The following ERC2 variants were observed in gnomAD, a reference collection of about 807,000 sequenced individuals.
ERC2 encodes ELKS/RAB6-interacting/CAST family member 2.
In ERC2, 42 loss-of-function variants were observed where a neutral mutation model predicts 114.8. That is an observed-to-expected ratio of 0.37 (90% CI 0.29 to 0.47). ERC2 has a LOEUF of 0.47. Ranked by LOEUF, ERC2 falls within the 20% of genes least tolerant of loss-of-function variation. The probability of loss-of-function intolerance (pLI) is 0.99; values close to 1 mark genes in which losing one functional copy is unlikely to be tolerated. For missense variants in ERC2, 939 were observed against 1,150.7 expected, an observed-to-expected ratio of 0.82 and a Z score of 2.66; for synonymous variants, 454 against 425.5, an observed-to-expected ratio of 1.07 and a Z score of -0.82.
At chr3:56,374,089 T>TTTTGTTTG (rs112631533) in intron 2 of ERC2, among the ~76,000 whole-genome samples, 2,875 of 151,898 alleles carry the variant, frequency 0.019, 38 homozygotes, top group South Asian at 0.07. Flanking sequence ...CATCCAGTGT[T>TTTTGTTTG]TTTGTTTGTT....
chr3:56,177,249 G>C (rs184482894), intron 3 of ERC2, among the ~76,000 whole-genome samples: 7 of 152,322 alleles, frequency 4.6e-5, no homozygotes, highest in Admixed American at 4.6e-4. Context: ...TCACCAAAGT[G>C]ATTTTAACGT....
At chr3:56,458,832 C>T (rs886775821) in intron 1 of ERC2, among the ~76,000 whole-genome samples, 4 of 152,180 alleles carry the variant, frequency 2.6e-5, no homozygotes, top group Non-Finnish European at 5.9e-5. Context: ...AAATCCTCTC[C>T]TGAGATGTCA....
In ERC2 at chr3:55,703,338, T is replaced by A. The variant is rs193136989; in HGVS notation, c.2713-3826A>T. On this transcript the variant is annotated intron_variant, in intron 15 of 17. Coordinates refer to ENST00000288221, the MANE Select transcript of ERC2 (RefSeq NM_015576.3). ...TCCTTGTCCCAGCCTTGGGACATGCTGTTCTCTCTCTCGGTCCTGCTCTTC... is the reference window on the plus strand; with the variant it reads ...TCCTTGTCCCAGCCTTGGGACATGCAGTTCTCTCTCTCGGTCCTGCTCTTC... Among the ~76,000 whole-genome samples, 4 of 152,350 alleles carry A rather than the reference T, an allele frequency of 2.6e-5. No individual in the cohort carries two copies. The East Asian group carries it at 7.7e-4, about 29-fold the overall frequency.
At chr3:55,627,883 C>CTTTTT (rs10714648) in intron 17 of ERC2, among the ~76,000 whole-genome samples, 2 of 82,576 alleles carry the variant, frequency 2.4e-5, no homozygotes, top group African/African-American at 9.7e-5. Flanking sequence ...GGACTTGGTG[C>CTTTTT]TTTTTTTTTT....
intron 12 of ERC2, among the ~76,000 whole-genome samples, chr3:55,961,989 T>G (rs2068417141): frequency 6.6e-6 from 1 of 152,140 alleles, no homozygotes; most frequent in Admixed American, 6.5e-5. Flanking sequence ...CACCCTGACA[T>G]GCCAAGTCCT....
chr3:56,265,641 AAAC>A (rs1264478337), intron 3 of ERC2, among the ~76,000 whole-genome samples: 5 of 152,220 alleles, frequency 3.3e-5, no homozygotes, highest in African/African-American at 1.2e-4. Context: ...ATAGCAAAGG[AAAC>A]AACAACATTA....
chr3:56,058,788 C>G (rs2076120367), intron 7 of ERC2, among the ~76,000 whole-genome samples: 1 of 152,214 alleles, frequency 6.6e-6, no homozygotes, highest in African/African-American at 2.4e-5. Flanking sequence ...CTGCCAGCCT[C>G]TCCCATTAGA....
chr3:55,771,273 T>G (rs948042512), intron 14 of ERC2, among the ~76,000 whole-genome samples: 1 of 152,208 alleles, frequency 6.6e-6, no homozygotes, highest in South Asian at 2.1e-4. Context: ...CTGTTGGTTT[T>G]TTAATACTTG....
chr3:55,713,915 A>G (rs556351990), intron 15 of ERC2, among the ~76,000 whole-genome samples: 1 of 152,332 alleles, frequency 6.6e-6, no homozygotes, highest in African/African-American at 2.4e-5. Context: ...CCCTGCGACT[A>G]TGCCATTCCC....
At chr3:55,927,259 C>T (rs1003821786) in intron 13 of ERC2, among the ~76,000 whole-genome samples, 1 of 152,176 alleles carries the variant, frequency 6.6e-6, no homozygotes, top group African/African-American at 2.4e-5. Context: ...AGAGACTGAT[C>T]ATGAAATGGC....
At chr3:55,985,857 CG>C in intron 12 of ERC2, 119 bp downstream of exon 12, 5 of 847,190 alleles carry the variant, frequency 5.9e-6, no homozygotes, top group South Asian at 1.5e-5. Context: ...ATGAAATGAG[CG>C]GGGGGAAATG....
chr3:55,752,763 A>C (rs73076905), intron 14 of ERC2, among the ~76,000 whole-genome samples: 595 of 52,990 alleles, frequency 0.011, 1 homozygote, highest in Middle Eastern at 0.024. Context: ...TAGAGATTCG[A>C]ACCCGGGTAT....
chr3:55,977,372 G>GGGCAGGGGAAGCATTTAAAAC (rs71099606), intron 12 of ERC2, among the ~76,000 whole-genome samples: 1 of 151,956 alleles, frequency 6.6e-6, no homozygotes, highest in Non-Finnish European at 1.5e-5. Flanking sequence ...AGTGACAAAT[G>GGGCAGGGGAAGCATTTAAAAC]TCAGATCAAA....
chr3:56,245,629 C>T (rs1482392958), intron 3 of ERC2, among the ~76,000 whole-genome samples: 6 of 151,772 alleles, frequency 4.0e-5, no homozygotes, highest in Admixed American at 6.6e-5. Context: ...CTGCAATCTC[C>T]GCCTCCTGGG....
intron 14 of ERC2, among the ~76,000 whole-genome samples, chr3:55,842,748 A>G (rs1008): frequency 0.35 from 52,740 of 151,776 alleles, 11,170 homozygotes; most frequent in African/African-American, 0.59. Flanking sequence ...CCCAGATCTC[A>G]AGAAAGATAT....
intron 15 of ERC2, among the ~76,000 whole-genome samples, chr3:55,721,594 A>C (rs1363172513): frequency 6.6e-6 from 1 of 152,224 alleles, no homozygotes; most frequent in East Asian, 1.9e-4. Context: ...GAGCTGCCCA[A>C]GGTTTCTCAG....
At chr3:55,753,161 G>C (rs1309701464) in intron 14 of ERC2, among the ~76,000 whole-genome samples, 1 of 152,092 alleles carries the variant, frequency 6.6e-6, no homozygotes, top group Non-Finnish European at 1.5e-5. Flanking sequence ...GGTTGCTCCT[G>C]GATGGGCTGT....
chr3:55,521,896 T>C (rs963456170), intron 17 of ERC2, among the ~76,000 whole-genome samples: 3 of 152,224 alleles, frequency 2.0e-5, no homozygotes, highest in African/African-American at 7.2e-5. Context: ...AGCGTTCCAA[T>C]GTGGCAACAG....
chr3:55,573,854 T>G (rs2056845727), intron 17 of ERC2, among the ~76,000 whole-genome samples: 1 of 152,106 alleles, frequency 6.6e-6, no homozygotes, highest in Non-Finnish European at 1.5e-5. Flanking sequence ...CTGCAAGATC[T>G]CCCTACCTTT....
Sources: allele counts gnomAD v4.1 joint callset (sites outside exome capture counted in the v4.1 genomes callset), GRCh38; gene constraint gnomAD v4.1.1; transcripts MANE v1.5; gene names NCBI Gene and HGNC (gene_info 2026-07-23, HGNC 2026-07-21).